Variants in DNAH8 observed in about 807,000 individuals in gnomAD.
DNAH8 encodes axonemal beta dynein heavy chain 8.
Under a neutral mutation model 562.1 loss-of-function variants are expected in DNAH8, and 382 were observed. The observed-to-expected ratio is 0.68, with a 90% CI of 0.63 to 0.74. The LOEUF is 0.74. Ranked by LOEUF, DNAH8 falls within the 30% of genes least tolerant of loss-of-function variation. DNAH8 has a pLI of 0.00. For synonymous variants in DNAH8, 1,881 were observed against 1,919.4 expected, an observed-to-expected ratio of 0.98 and a Z score of 0.52; for missense variants, 5,203 against 5,620.4, an observed-to-expected ratio of 0.93 and a Z score of 2.37.
intron 82 of DNAH8, among the ~76,000 whole-genome samples, chr6:38,957,227 T>C (rs1762303735): frequency 6.6e-6 from 1 of 151,470 alleles, no homozygotes; most frequent in South Asian, 2.1e-4. Context: ...CAAGAGTGCA[T>C]GTGTGCATAC....
At chr6:38,758,947 A>T (rs1766205739) in intron 10 of DNAH8, among the ~76,000 whole-genome samples, 1 of 151,984 alleles carries the variant, frequency 6.6e-6, no homozygotes, top group Non-Finnish European at 1.5e-5. Flanking sequence ...TTTATTGAGG[A>T]TTTTTGCATC....
chr6:38,828,137 A>G (rs750787945), intron 29 of DNAH8, 47 bp from the exon 30 acceptor site: 15 of 1,223,744 alleles, frequency 1.2e-5, no homozygotes, highest in Admixed American at 4.1e-5. Flanking sequence ...ATCATTTGGC[A>G]ATGGCTTTCC....
intron 1 of DNAH8, among the ~76,000 whole-genome samples, chr6:38,721,624 G>T (rs986404590): frequency 6.6e-6 from 1 of 152,206 alleles, no homozygotes; most frequent in Non-Finnish European, 1.5e-5. Context: ...CATTCTAGGG[G>T]ACAGTGGGTG....
intron 88 of DNAH8, among the ~76,000 whole-genome samples, chr6:38,997,693 G>A (rs749565233): frequency 5.3e-5 from 8 of 152,178 alleles, no homozygotes; most frequent in Admixed American, 1.3e-4. Context: ...CCCAGCCAGA[G>A]GAATCATTAA....
intron 92 of DNAH8, among the ~76,000 whole-genome samples, chr6:39,027,878 T>C (rs1767401967): frequency 6.6e-6 from 1 of 152,130 alleles, no homozygotes; most frequent in South Asian, 2.1e-4. Flanking sequence ...GATTTAAATG[T>C]GATCATTTAG....
chr6:38,868,303 C>T, intron 48 of DNAH8, 107 bp downstream of exon 48: 2 of 1,120,908 alleles, frequency 1.8e-6, no homozygotes, highest in South Asian at 1.6e-5. Context: ...CCCATAATTA[C>T]AGGGATAATA....
intron 20 of DNAH8, 43 bp downstream of exon 20, chr6:38,790,448 G>A (rs757002522): frequency 3.3e-6 from 3 of 915,262 alleles, no homozygotes; most frequent in East Asian, 2.5e-5. Flanking sequence ...TATATACTCA[G>A]GATATAAGTA....
chr6:38,975,193 C>G (rs1232005991), intron 85 of DNAH8, among the ~76,000 whole-genome samples: 3 of 152,150 alleles, frequency 2.0e-5, no homozygotes, highest in African/African-American at 7.2e-5. Context: ...TTTATGATTA[C>G]CAAGCAACTT....
chr6:38,815,764 T>C, intron 26 of DNAH8, 107 bp downstream of exon 26: 4 of 1,094,258 alleles, frequency 3.7e-6, no homozygotes, highest in Non-Finnish European at 3.8e-6. Context: ...ATTTAAAAAA[T>C]AGTATGTTTC....
At chr6:38,903,179 C>T (rs147694130) in intron 62 of DNAH8, among the ~76,000 whole-genome samples, 2 of 152,238 alleles carry the variant, frequency 1.3e-5, no homozygotes, top group African/African-American at 4.8e-5. Flanking sequence ...TTTTGCATTG[C>T]TATGAATACC....
intron 8 of DNAH8, 143 bp from the exon 9 acceptor site, chr6:38,750,333 A>T: frequency 2.1e-6 from 1 of 469,008 alleles, no homozygotes; most frequent in East Asian, 3.4e-5. Flanking sequence ...CTCAAGTATT[A>T]TAAGAAAAAC....
At chr6:38,807,134 G>A (rs1199032166) in intron 23 of DNAH8, among the ~76,000 whole-genome samples, 5 of 152,160 alleles carry the variant, frequency 3.3e-5, no homozygotes, top group African/African-American at 7.2e-5. Flanking sequence ...GGGTCAAACC[G>A]CTGTCCCAGA....
In DNAH8 at chr6:38,822,921, G is replaced by A; in HGVS notation, c.3607G>A (p.Val1203Ile). 6.2e-7 allele frequency: 1 copy of A among 1,613,598 alleles called. No homozygotes were observed. The highest frequency in any genetic ancestry group is 8.5e-7 in the Non-Finnish European group (1 of 1,179,832). The change falls in exon 27 of 93, where the codon GTC becomes ATC. Residue 1203 changes from valine (V) to isoleucine (I), a missense_variant. Val to Ile is a conservative substitution (Grantham distance 29). Around this residue, in one of 6 missense-constraint regions of DNAH8, gnomAD observed 2,176 missense variants for 2,365.1 expected, o/e 0.92. Transcript: ENST00000327475. ...VAEHKDISKL[V>I]LLLSSSVNSL... ...GGAGCACAAGGATATTTCTAAGTTG[G>A]TCCTGCTCCTTTCTTCCTCTGTAAA... is the stretch of plus-strand genomic sequence containing the variant.
intron 7 of DNAH8, 152 bp from the exon 8 acceptor site, chr6:38,741,559 A>G (rs1296566882): frequency 7.1e-6 from 4 of 561,570 alleles, no homozygotes; most frequent in African/African-American, 1.9e-5. Context: ...TATTGAAGAC[A>G]TTCTCCTCTA....
At chr6:38,790,831 A>AG (rs1467597956) in intron 20 of DNAH8, among the ~76,000 whole-genome samples, 2 of 151,952 alleles carry the variant, frequency 1.3e-5, no homozygotes, top group Non-Finnish European at 2.9e-5. Flanking sequence ...TAAAAAAAAA[A>AG]AAAACAAAAC....
At chr6:38,733,256 T>TTAA (rs770231498) in intron 4 of DNAH8, among the ~76,000 whole-genome samples, 38,368 of 152,000 alleles carry the variant, frequency 0.25, 5,780 homozygotes, top group Non-Finnish European at 0.35. Flanking sequence ...CTGTTGATTT[T>TTAA]TGCAAATTAA....
At chr6:38,895,684 T>G (rs945652103) in intron 59 of DNAH8, among the ~76,000 whole-genome samples, 28 of 152,204 alleles carry the variant, frequency 1.8e-4, no homozygotes, top group African/African-American at 6.8e-4. Flanking sequence ...TTGTCCTCTC[T>G]TCCCTCTGTT....
rs190135920 is a variant in DNAH8, at chr6:38,890,436, G to A, written c.8474-216G>A. 2.0e-3 allele frequency among the ~76,000 whole-genome samples: 311 copies of A among 152,202 alleles called. 3 individuals carry two copies. The highest frequency in any genetic ancestry group is 7.1e-3 in the African/African-American group (295 of 41,524). ...GTATTTTTTTCTTGTAGGGTGCTGG[G>A]TGGGGGATTAAATGAGTCAATACAT... On this transcript the variant is annotated intron_variant, in intron 57 of 92. Transcript: ENST00000327475.
At chr6:38,983,074 G>A (rs1014949665) in intron 86 of DNAH8, among the ~76,000 whole-genome samples, 1 of 152,226 alleles carries the variant, frequency 6.6e-6, no homozygotes, top group African/African-American at 2.4e-5. Flanking sequence ...TCACAGAGCT[G>A]AGAACGTAAA....
Sources: gnomAD v4.1 joint callset for allele counts (sites outside exome capture counted in the v4.1 genomes callset) on GRCh38, gnomAD v4.1.1 for gene constraint, gnomAD v4.1.1 regional missense constraint, MANE v1.5 for transcripts, NCBI Gene and HGNC (gene_info 2026-07-23, HGNC 2026-07-21) for gene names.